DOCK1: variants seen among roughly 807,000 people sequenced by gnomAD.
DOCK1 encodes dedicator of cytokinesis protein 1.
In DOCK1, 138 loss-of-function variants were observed where a neutral mutation model predicts 262.7. The observed-to-expected ratio is 0.53, with a 90% CI of 0.46 to 0.61. The LOEUF (loss-of-function observed/expected upper bound fraction) is 0.61. Among genes scored for constraint, DOCK1 ranks in the 20% least tolerant of loss-of-function variants. The pLI is 0.00. For synonymous variants in DOCK1, 866 were observed against 867.4 expected (o/e 1.00, Z 0.03); for missense variants, 1,908 against 2,370.7 (o/e 0.80, Z 4.05).
At chr10:126,985,198 T>C (rs1815647) in intron 4 of DOCK1, among the ~76,000 whole-genome samples, 70,360 of 151,772 alleles carry the variant, frequency 0.46, 16,774 homozygotes, top group East Asian at 0.66. Flanking sequence ...CCAAGCTGGC[T>C]TTGAACCCCT....
At chr10:127,168,878 C>A (rs1329569978) in intron 27 of DOCK1, among the ~76,000 whole-genome samples, 1 of 152,154 alleles carries the variant, frequency 6.6e-6, no homozygotes, top group Non-Finnish European at 1.5e-5. Context: ...TTAAATAGTC[C>A]CCTTATGCTT....
rs199745852 is a variant in DOCK1 at position 126,916,929 on chromosome 10, T to C, written c.46+11366T>C. Among the ~76,000 whole-genome samples the C allele has an allele frequency of 1.2e-4, 15 of 123,450 alleles. 3 individuals carry two copies. The East Asian group carries it at 4.7e-3, about 38-fold the overall frequency. The allele number at this position is 123,450 out of a possible 152,430, so 81.0% of individuals were successfully genotyped here. ...GGTGGGAGCTGTGTGAGGCCAGCGG[T>C]GTTTCAGAATTCCAGTTTGTCACAG... is the stretch of plus-strand genomic sequence containing the variant. On this transcript the variant is annotated intron_variant, in intron 1 of 51. Coordinates refer to ENST00000623213, the MANE Select transcript of DOCK1 (RefSeq NM_001290223.2).
At chr10:127,017,197 G>A (rs202243661) in intron 12 of DOCK1, among the ~76,000 whole-genome samples, 18 of 62,732 alleles carry the variant, frequency 2.9e-4, no homozygotes, top group Middle Eastern at 0.014. Flanking sequence ...ACATACACAC[G>A]CACACACAGA....
intron 6 of DOCK1, among the ~76,000 whole-genome samples, chr10:126,992,095 G>A (rs556552843): frequency 3.3e-5 from 5 of 152,282 alleles, no homozygotes; most frequent in Admixed American, 6.5e-5. Context: ...AAGATGTAGG[G>A]TTTGGATTAG....
intron 29 of DOCK1, among the ~76,000 whole-genome samples, chr10:127,280,519 C>T (rs1269732580): frequency 2.6e-5 from 4 of 152,100 alleles, no homozygotes; most frequent in Non-Finnish European, 5.9e-5. Context: ...AATTGAAGGC[C>T]AGAATGAAGG....
chr10:127,069,437 G>A (rs1389762523), intron 23 of DOCK1, among the ~76,000 whole-genome samples: 4 of 152,186 alleles, frequency 2.6e-5, no homozygotes, highest in Admixed American at 2.6e-4. Flanking sequence ...AGACCAGCAA[G>A]CAGCTTAAAG....
At chr10:127,410,033 T>C (rs2067751527) in intron 42 of DOCK1, among the ~76,000 whole-genome samples, 1 of 152,248 alleles carries the variant, frequency 6.6e-6, no homozygotes, top group South Asian at 2.1e-4. Context: ...TTTTCTGTTC[T>C]GTTTGATCCA....
intron 1 of DOCK1, among the ~76,000 whole-genome samples, chr10:126,917,192 A>G (rs974384140): frequency 3.9e-5 from 6 of 152,194 alleles, no homozygotes; most frequent in Non-Finnish European, 8.8e-5. Context: ...TGAGCGTGTG[A>G]ACATTCACAG....
rs537772373 is a variant in DOCK1 at position 127,287,494 on chromosome 10, A to AT, written c.3044+30073dup. 1.1e-4 allele frequency among the ~76,000 whole-genome samples: 17 copies of AT among 151,860 alleles called. No homozygotes were observed. The South Asian group carries it at 2.9e-3, about 26-fold the overall frequency. ...AATGAGCCACTGCACCAGGCTCCCC[A>AT]TTTTTTTTCCTTATAATTTATATTG... is the stretch of plus-strand genomic sequence containing the variant. On this transcript the variant is annotated intron_variant, in intron 29 of 51. Transcript: ENST00000623213.
At chr10:127,043,797 G>C (rs1328756666) in intron 21 of DOCK1, among the ~76,000 whole-genome samples, 1 of 152,210 alleles carries the variant, frequency 6.6e-6, no homozygotes, top group African/African-American at 2.4e-5. Flanking sequence ...TTGATGTGCA[G>C]CTCTGTCCCT....
chr10:127,178,831 C>T (rs1033476110), intron 27 of DOCK1, among the ~76,000 whole-genome samples: 1 of 152,124 alleles, frequency 6.6e-6, no homozygotes, highest in Non-Finnish European at 1.5e-5. Flanking sequence ...GAGAAAGCAT[C>T]GATGGCTTTT....
At chr10:126,918,819 C>T (rs2032818839) in intron 1 of DOCK1, among the ~76,000 whole-genome samples, 1 of 152,138 alleles carries the variant, frequency 6.6e-6, no homozygotes, top group Non-Finnish European at 1.5e-5. Context: ...TCAGCGAAGT[C>T]ACTTCTGTAT....
At chr10:127,379,302 A>G (rs903208220) in intron 35 of DOCK1, among the ~76,000 whole-genome samples, 1 of 152,260 alleles carries the variant, frequency 6.6e-6, no homozygotes, top group African/African-American at 2.4e-5. Context: ...TGTAGAAATA[A>G]TCCATTGGTT....
chr10:126,942,965 C>T (rs1187392252), intron 1 of DOCK1, among the ~76,000 whole-genome samples: 2 of 151,880 alleles, frequency 1.3e-5, no homozygotes, highest in African/African-American at 4.8e-5. Flanking sequence ...TCATTAAAAA[C>T]AAACAAATAG....
At chr10:127,275,996 A>G (rs2060728226) in intron 29 of DOCK1, among the ~76,000 whole-genome samples, 1 of 152,210 alleles carries the variant, frequency 6.6e-6, no homozygotes, top group African/African-American at 2.4e-5. Context: ...TTATTACGTA[A>G]TGCCCTGGAG....
At chr10:127,151,872 C>G (rs1466844554) in intron 27 of DOCK1, among the ~76,000 whole-genome samples, 2 of 152,134 alleles carry the variant, frequency 1.3e-5, no homozygotes, top group Admixed American at 6.5e-5. Flanking sequence ...AGTGACCACT[C>G]GAGTCATTCC....
At chr10:126,992,769 G>T (rs11016802) in intron 6 of DOCK1, among the ~76,000 whole-genome samples, 1 of 130,382 alleles carries the variant, frequency 7.7e-6, no homozygotes, top group African/African-American at 2.8e-5. Context: ...CACACAGACA[G>T]ACACAGACAC....
At chr10:127,044,315 C>T (rs149734597) in intron 21 of DOCK1, among the ~76,000 whole-genome samples, 6 of 152,184 alleles carry the variant, frequency 3.9e-5, no homozygotes, top group Admixed American at 2.0e-4. Context: ...GCCTCGTGTG[C>T]GTGTTTACTG....
At chr10:127,267,858 G>A (rs532435135) in intron 29 of DOCK1, among the ~76,000 whole-genome samples, 8 of 152,322 alleles carry the variant, frequency 5.3e-5, no homozygotes, top group African/African-American at 1.9e-4. Flanking sequence ...GAAGGTCTGT[G>A]CAGTATAGGA....
Sources: gnomAD v4.1 joint callset for allele counts (sites outside exome capture counted in the v4.1 genomes callset) on GRCh38, gnomAD v4.1.1 for gene constraint, MANE v1.5 for transcripts, NCBI Gene and HGNC (gene_info 2026-07-23, HGNC 2026-07-21) for gene names.